Variants in PLPPR4 observed in about 807,000 individuals in gnomAD.
PLPPR4 encodes the protein phospholipid phosphatase related 4.
PLPPR4 carries 24 observed loss-of-function variants against 56.6 expected under a neutral mutation model. That is an observed-to-expected ratio of 0.42 (90% CI 0.31 to 0.60). The LOEUF (loss-of-function observed/expected upper bound fraction) is 0.60. Among genes scored for constraint, PLPPR4 ranks in the 20% least tolerant of loss-of-function variants. The pLI, the probability that PLPPR4 is intolerant of heterozygous loss-of-function variation, is 0.13. For synonymous variants in PLPPR4, 326 were observed against 328.1 expected, an observed-to-expected ratio of 0.99 and a Z score of 0.07; for missense variants, 654 against 885.8, an observed-to-expected ratio of 0.74 and a Z score of 3.32.
intron 2 of PLPPR4, 97 bp from the exon 3 acceptor site, chr1:99,296,641 A>G: frequency 1.0e-6 from 1 of 984,334 alleles, no homozygotes; most frequent in Non-Finnish European, 1.4e-6. Flanking sequence ...ACTTTATTGA[A>G]TTGATATGTT....
In PLPPR4 at chr1:99,305,612, A is replaced by G. The variant is rs1660001525; in HGVS notation, c.823-73A>G. ...AAGCATATACCTATGTATGTACTTCAGTGGGTACTCTAAGGAAACCCTAGT... is the reference window on the plus strand; with the variant it reads ...AAGCATATACCTATGTATGTACTTCGGTGGGTACTCTAAGGAAACCCTAGT... On this transcript the variant is annotated intron_variant, in intron 6 of 6. Transcript: ENST00000370185. The G allele has an allele frequency of 6.2e-6, 9 of 1,453,794 alleles. No individual in the cohort carries two copies. In the Admixed American group the frequency reaches 1.8e-4, roughly 29 times the overall value. The allele number at this position is 1,453,794 out of a possible 1,614,324, so 90.1% of individuals were successfully genotyped here. A position where few individuals can be genotyped will look rare whatever the true frequency, so the allele number is the denominator to read the frequency against.
chr1:99,288,201 C>A, intron 2 of PLPPR4, 51 bp downstream of exon 2: 1 of 1,526,542 alleles, frequency 6.6e-7, no homozygotes, highest in Non-Finnish European at 9.0e-7. Flanking sequence ...AACTAAAAAT[C>A]ACCACATTTG....
rs1443444318 is a variant in PLPPR4 at position 99,306,903 on chromosome 1, C to T, written c.2041C>T (p.Arg681Trp). 6.2e-7 allele frequency: 1 copy of T among 1,614,116 alleles called. No homozygotes were observed. The highest frequency in any genetic ancestry group is 1.7e-5 in the Admixed American group (1 of 60,024). Residue 681 changes from arginine to tryptophan, a missense_variant, in exon 7 of 7, where the codon CGG becomes TGG. Physicochemically the swap from Arg to Trp is moderately radical, Grantham distance 101. Transcript: ENST00000370185. This position sits in a 1 kb window ranked among gnomAD's most constrained non-coding sequence, Gnocchi z 4.0. ...TTCTTCTTCCCGCGACTCCACCCTG[C>T]GGAGAAAGGGCAATATCATTCTAAT... ...SISSSRDSTLRRKGNIILIPE... is the reference protein window; with the variant it reads ...SISSSRDSTLWRKGNIILIPE...
intron 4 of PLPPR4, 76 bp downstream of exon 4, chr1:99,299,306 AT>A: frequency 9.6e-7 from 1 of 1,036,498 alleles, no homozygotes; most frequent in Non-Finnish European, 1.5e-6. Flanking sequence ...CACTTTAAGC[AT>A]GCCTCTTTCA....
At position 99,306,387 on chromosome 1, in the gene PLPPR4, T is replaced by C. The variant is rs1660031440; in HGVS notation, c.1525T>C (p.Trp509Arg). Residue 509 changes from tryptophan to arginine, a missense_variant, in exon 7 of 7, where the codon TGG becomes CGG. By Grantham distance (101) the Trp-to-Arg change is moderately radical. Around this residue, in one of 2 missense-constraint regions of PLPPR4, gnomAD observed 468 missense variants for 554.3 expected, o/e 0.84. Transcript: ENST00000370185. This position sits in a 1 kb window ranked among gnomAD's most constrained non-coding sequence, Gnocchi z 4.0. ...CAAAAGCAGCTCTGCTCGGGCCAAGTGGTTAAAAGCTGCTGAAAAGACTGT... is the reference window on the plus strand; with the variant it reads ...CAAAAGCAGCTCTGCTCGGGCCAAGCGGTTAAAAGCTGCTGAAAAGACTGT... ...SPKSSSARAK[W>R]LKAAEKTVAC... 1 of 1,613,948 alleles carries C rather than the reference T, an allele frequency of 6.2e-7. No individual in the cohort carries two copies. The highest frequency in any genetic ancestry group is 1.3e-5 in the African/African-American group (1 of 74,880).
intron 6 of PLPPR4, among the ~76,000 whole-genome samples, chr1:99,305,234 ATTG>A (rs1427089879): frequency 6.6e-6 from 1 of 152,166 alleles, no homozygotes; most frequent in Admixed American, 6.5e-5. Flanking sequence ...TAAATGATAT[ATTG>A]TTCTATATTT....
intron 3 of PLPPR4, 47 bp from the exon 4 acceptor site, chr1:99,298,988 T>A (rs1249176242): frequency 9.9e-6 from 13 of 1,314,992 alleles, no homozygotes; most frequent in Non-Finnish European, 1.3e-5. Flanking sequence ...TGTTTGATGC[T>A]GACACAACCA....
chr1:99,287,676 C>G (rs1172707545), intron 1 of PLPPR4, among the ~76,000 whole-genome samples: 1 of 152,036 alleles, frequency 6.6e-6, no homozygotes, highest in African/African-American at 2.4e-5. Flanking sequence ...AATATTTCTA[C>G]AAGACCCTTT....
In PLPPR4 at chr1:99,292,442, G is replaced by A. The variant is rs72980835; in HGVS notation, c.264+4292G>A. Among the ~76,000 whole-genome samples, 799 of 152,232 alleles carry A rather than the reference G, an allele frequency of 5.2e-3. 8 individuals are homozygous for A. The highest frequency in any genetic ancestry group is 0.018 in the African/African-American group (764 of 41,560). On this transcript the variant is annotated intron_variant, in intron 2 of 6. Transcript: ENST00000370185. ...GAAATAAAAGGGAAAATACACCATGGCTCCCTTCCACCAGGCTGACGTAGG... is the reference window on the plus strand; with the variant it reads ...GAAATAAAAGGGAAAATACACCATGACTCCCTTCCACCAGGCTGACGTAGG...
chr1:99,297,879 C>T (rs949435052), intron 3 of PLPPR4, among the ~76,000 whole-genome samples: 2 of 152,216 alleles, frequency 1.3e-5, no homozygotes, highest in East Asian at 1.9e-4. Context: ...GGGCCACATA[C>T]CCTCTCTCGA....
At chr1:99,293,079 T>C (rs1226169280) in intron 2 of PLPPR4, among the ~76,000 whole-genome samples, 1 of 152,090 alleles carries the variant, frequency 6.6e-6, no homozygotes, top group African/African-American at 2.4e-5. Flanking sequence ...TGGGAATGAG[T>C]GTCCAAAAGG....
At chr1:99,297,817 T>C (rs1489208191) in intron 3 of PLPPR4, among the ~76,000 whole-genome samples, 1 of 152,056 alleles carries the variant, frequency 6.6e-6, no homozygotes, top group Non-Finnish European at 1.5e-5. Flanking sequence ...CCAGGACATG[T>C]AGCTGCACAC....
chr1:99,296,913 A>G (rs767288105), intron 3 of PLPPR4, 46 bp downstream of exon 3: 1 of 1,468,616 alleles, frequency 6.8e-7, no homozygotes, highest in Non-Finnish European at 9.1e-7. Flanking sequence ...TTTTTTTTAT[A>G]TTGAAATGTT....
At chr1:99,301,085 C>A in intron 5 of PLPPR4, 119 bp downstream of exon 5, 1 of 847,168 alleles carries the variant, frequency 1.2e-6, no homozygotes, top group Non-Finnish European at 1.9e-6. Context: ...GTAAATTTAG[C>A]ACTGCAGCCT....
intron 2 of PLPPR4, among the ~76,000 whole-genome samples, chr1:99,293,946 G>A (rs539462165): frequency 1.4e-4 from 21 of 152,120 alleles, no homozygotes; most frequent in African/African-American, 2.2e-4. Context: ...AACAAATTGC[G>A]TCCTTTTCAG....
rs115970806 is a variant in PLPPR4 at position 99,278,903 on chromosome 1, C to A, written c.79-9062C>A. ...GAGGTAGCTCTTCTCTATTAATTAT[C>A]ATTGCTATGGAGGATCCAATTTAAG... On this transcript the variant is annotated intron_variant, in intron 1 of 6. Coordinates refer to ENST00000370185, the MANE Select transcript of PLPPR4 (RefSeq NM_014839.5). 3.3e-3 allele frequency among the ~76,000 whole-genome samples: 495 copies of A among 152,274 alleles called. 2 individuals carry two copies. Among genetic ancestry groups the A allele is most frequent in the African/African-American group, 0.011 (464 of 41,566 alleles).
At chr1:99,267,397 C>T (rs1328832904) in intron 1 of PLPPR4, among the ~76,000 whole-genome samples, 1 of 152,200 alleles carries the variant, frequency 6.6e-6, no homozygotes, top group Non-Finnish European at 1.5e-5. Context: ...GACAGATTGA[C>T]TTGGTTCAAA....
intron 2 of PLPPR4, among the ~76,000 whole-genome samples, chr1:99,294,912 C>T (rs1659706536): frequency 6.6e-6 from 1 of 151,898 alleles, no homozygotes; most frequent in Admixed American, 6.6e-5. Context: ...TGAAATTAAC[C>T]TCTTTTAGCT....
chr1:99,271,081 T>G (rs950310167), intron 1 of PLPPR4, among the ~76,000 whole-genome samples: 2 of 152,242 alleles, frequency 1.3e-5, no homozygotes, highest in Admixed American at 6.5e-5. Context: ...GTGATTTTTT[T>G]CTACTTTTCT....
Sources: gnomAD v4.1 joint callset for allele counts (sites outside exome capture counted in the v4.1 genomes callset) on GRCh38, gnomAD v4.1.1 for gene constraint, gnomAD v4.1.1 regional missense constraint, Gnocchi (gnomAD v3.1) non-coding constraint, MANE v1.5 for transcripts, NCBI Gene and HGNC (gene_info 2026-07-23, HGNC 2026-07-21) for gene names.